The following GARRE1 variants were observed in gnomAD, a reference collection of about 807,000 sequenced individuals.
GARRE1 encodes granule associated Rac and RHOG effector 1, also known as granule associated Rac and RHOG effector protein 1.
Under a neutral mutation model 103.2 loss-of-function variants are expected in GARRE1, and 49 were observed. The observed-to-expected ratio is 0.47, with a 90% CI of 0.38 to 0.60. The LOEUF (loss-of-function observed/expected upper bound fraction) is 0.60. Among genes scored for constraint, GARRE1 ranks in the 20% least tolerant of loss-of-function variants. GARRE1 has a pLI of 0.00. For synonymous variants in GARRE1, 505 were observed against 532.8 expected (o/e 0.95, Z 0.72); for missense variants, 1,199 against 1,370.5 (o/e 0.87, Z 1.98).
chr19:34,292,639 G>A (rs114515788), intron 1 of GARRE1, among the ~76,000 whole-genome samples: 4,692 of 152,044 alleles, frequency 0.031, 240 homozygotes, highest in African/African-American at 0.11. Flanking sequence ...ACAGTGGCAC[G>A]ATTTCGGCTC....
At chr19:34,333,674 T>A (rs374193926) in intron 7 of GARRE1, 30 bp from the exon 8 acceptor site, 2 of 1,157,824 alleles carry the variant, frequency 1.7e-6, no homozygotes, top group African/African-American at 1.7e-5. Flanking sequence ...CTGGTTGTTA[T>A]TTGTTTTTTT....
chr19:34,352,638 G>T lies in GARRE1; in HGVS notation c.2905-9G>T. ...GAAATGCCACTAAGAACTCTCTTTT[G>T]TTTCTCAGGATAACAAAACCAAAAC... On this transcript the variant is annotated splice_polypyrimidine_tract_variant and intron_variant, in intron 13 of 13. Transcript: ENST00000299505. 1.2e-6 allele frequency: 2 copies of T among 1,603,894 alleles called. No individual in the cohort carries two copies. Among genetic ancestry groups the T allele is most frequent in the Non-Finnish European group, 1.7e-6 (2 of 1,171,766 alleles).
chr19:34,280,365 C>A (rs2073844110), intron 1 of GARRE1, among the ~76,000 whole-genome samples: 1 of 152,168 alleles, frequency 6.6e-6, no homozygotes, highest in Admixed American at 6.5e-5. Context: ...TAGCTGTTCG[C>A]ATATTTCTTG....
chr19:34,268,008 G>A (rs1311594207), intron 1 of GARRE1, among the ~76,000 whole-genome samples: 1 of 151,618 alleles, frequency 6.6e-6, no homozygotes, highest in Non-Finnish European at 1.5e-5. Context: ...TCTTGACCTC[G>A]TGATCCACCC....
chr19:34,268,379 G>A (rs2073765531), intron 1 of GARRE1, among the ~76,000 whole-genome samples: 1 of 151,800 alleles, frequency 6.6e-6, no homozygotes, highest in Non-Finnish European at 1.5e-5. Context: ...TTTTTTCGTT[G>A]TTTCTTCTTC....
In GARRE1 at chr19:34,320,036, G is replaced by A. The variant is rs1329156111; in HGVS notation, c.625G>A (p.Gly209Ser). Reference protein sequence around the residue: ...EVIVPEKKNSGSGGGLSGMGH... With the variant: ...EVIVPEKKNSSSGGGLSGMGH... The stretch of plus-strand genomic sequence containing the variant: ...CATCGTGCCAGAAAAAAAGAACAGC[G>A]GCAGTGGCGGCGGCTTATCTGGCAT... The change falls in exon 3 of 14, where the codon GGC (glycine) becomes AGC (serine). Residue 209 changes from glycine (G) to serine (S), a missense_variant. Gly to Ser is a moderately conservative substitution (Grantham distance 56). Coordinates refer to ENST00000299505, the MANE Select transcript of GARRE1 (RefSeq NM_014686.5). 2.0e-5 allele frequency: 32 copies of A among 1,614,092 alleles called. No individual in the cohort carries two copies. The East Asian group carries it at 3.3e-4, about 17-fold the overall frequency.
chr19:34,333,576 C>G lies in GARRE1; in HGVS notation c.1264-128C>G, dbSNP rs960712378. 160 of 626,380 alleles carry G rather than the reference C, an allele frequency of 2.6e-4. 2 individuals are homozygous for G. The South Asian group carries it at 3.2e-3, about 12-fold the overall frequency. The allele number at this position is 626,380 out of a possible 1,614,324, so 38.8% of individuals were successfully genotyped here. A position where few individuals can be genotyped will look rare whatever the true frequency, so the allele number is the denominator to read the frequency against. On this transcript the variant is annotated intron_variant, in intron 7 of 13. Coordinates refer to ENST00000299505, the MANE Select transcript of GARRE1 (RefSeq NM_014686.5). Reference sequence around the variant, plus strand: ...TTGTCTTCACGGGGCCCTGACTGGCCTTGGCATAACTAGGCTGCTAGGGGA... The same window carrying G: ...TTGTCTTCACGGGGCCCTGACTGGCGTTGGCATAACTAGGCTGCTAGGGGA...
At chr19:34,255,810 C>G (rs1448605070) in intron 1 of GARRE1, among the ~76,000 whole-genome samples, 1 of 151,542 alleles carries the variant, frequency 6.6e-6, no homozygotes, top group South Asian at 2.1e-4. Flanking sequence ...TGATTGTTAT[C>G]TTAGAATAAA....
chr19:34,331,573 A>T (rs1375960813), intron 7 of GARRE1, among the ~76,000 whole-genome samples: 1 of 152,164 alleles, frequency 6.6e-6, no homozygotes, highest in African/African-American at 2.4e-5. Context: ...GAAAAAAAAA[A>T]CTTTGCCCAG....
chr19:34,336,415 C>G (rs574098857), intron 8 of GARRE1, among the ~76,000 whole-genome samples: 54 of 151,556 alleles, frequency 3.6e-4, no homozygotes, highest in African/African-American at 1.3e-3. Context: ...TTTTGTGTTA[C>G]TAAATTCTTT....
chr19:34,341,610 C>A lies in GARRE1; in HGVS notation c.1676C>A (p.Ser559Tyr). 1.2e-6 allele frequency: 2 copies of A among 1,614,178 alleles called. No individual in the cohort carries two copies. Among genetic ancestry groups the A allele is most frequent in the Non-Finnish European group, 1.7e-6 (2 of 1,180,034 alleles). Residue 559 changes from serine to tyrosine, a missense_variant, in exon 10 of 14, where the codon TCC becomes TAC. Coordinates refer to ENST00000299505, the MANE Select transcript of GARRE1 (RefSeq NM_014686.5). ...AGCTCCAGCAGCAGCACAAATTATT[C>A]CATCCAAAATACCCCTTCCAAAAAC... is the stretch of plus-strand genomic sequence containing the variant. The part of the protein sequence containing the change: ...CTSSSSSTNY[S>Y]IQNTPSKNIF...
intron 1 of GARRE1, among the ~76,000 whole-genome samples, chr19:34,287,001 T>C (rs2073890981): frequency 6.6e-6 from 1 of 151,736 alleles, no homozygotes; most frequent in Non-Finnish European, 1.5e-5. Flanking sequence ...TAGTCGGGCA[T>C]GGTGGCGGGC....
chr19:34,257,642 T>G (rs1486890683), intron 1 of GARRE1, among the ~76,000 whole-genome samples: 1 of 152,190 alleles, frequency 6.6e-6, no homozygotes, highest in Admixed American at 6.5e-5. Context: ...TTCTCTGAAG[T>G]GTAAGTTCAC....
chr19:34,352,218 A>G (rs2074241448), intron 13 of GARRE1, among the ~76,000 whole-genome samples: 1 of 152,056 alleles, frequency 6.6e-6, no homozygotes, highest in African/African-American at 2.4e-5. Context: ...CCTGGCTAAC[A>G]CGGTGAAATC....
In GARRE1 at chr19:34,257,854, T is replaced by G. The variant is rs2073684385; in HGVS notation, c.-796+3240T>G. 3.9e-5 allele frequency among the ~76,000 whole-genome samples: 6 copies of G among 152,134 alleles called. No homozygotes were observed. In the South Asian group the frequency reaches 1.0e-3, roughly 26 times the overall value. ...CTATTCTTTCTTGCTCTCGTGAATC[T>G]CCCATTGATTGGCCTTCTTTTTTCT... On this transcript the variant is annotated intron_variant, in intron 1 of 13. Coordinates refer to ENST00000299505, the MANE Select transcript of GARRE1 (RefSeq NM_014686.5).
At chr19:34,274,623 G>A (rs1414486481) in intron 1 of GARRE1, among the ~76,000 whole-genome samples, 34 of 152,162 alleles carry the variant, frequency 2.2e-4, no homozygotes, top group Admixed American at 2.2e-3. Context: ...CTGGAGCACA[G>A]GACAAAGATC....
chr19:34,317,595 G>A (rs558640069), intron 2 of GARRE1, among the ~76,000 whole-genome samples: 1 of 152,326 alleles, frequency 6.6e-6, no homozygotes, highest in South Asian at 2.1e-4. Flanking sequence ...CCTGTCACAT[G>A]CAAGCCGATG....
At chr19:34,276,689 G>A (rs776619826) in intron 1 of GARRE1, among the ~76,000 whole-genome samples, 2 of 152,156 alleles carry the variant, frequency 1.3e-5, no homozygotes, top group Admixed American at 6.6e-5. Context: ...CACAGATACC[G>A]CAGCCACTGC....
chr19:34,309,400 A>G (rs60691958), intron 2 of GARRE1, among the ~76,000 whole-genome samples: 2,904 of 152,364 alleles, frequency 0.019, 103 homozygotes, highest in African/African-American at 0.066. Flanking sequence ...GCTTGAACAC[A>G]TACTGAGTCT....
Sources: allele counts gnomAD v4.1 joint callset (sites outside exome capture counted in the v4.1 genomes callset), GRCh38; gene constraint gnomAD v4.1.1; transcripts MANE v1.5; gene names NCBI Gene and HGNC (gene_info 2026-07-23, HGNC 2026-07-21).